The following C4orf50 variants were observed in gnomAD, a reference collection of about 807,000 sequenced individuals.
C4orf50 encodes the protein uncharacterized protein C4orf50.
Under a neutral mutation model 77.2 loss-of-function variants are expected in C4orf50, and 80 were observed. That is an observed-to-expected ratio of 1.04 (90% confidence interval 0.87 to 1.25). C4orf50 has a LOEUF of 1.25. Among genes scored for constraint, C4orf50 ranks in the 50% most tolerant of loss-of-function variants. The pLI is 0.00. For synonymous variants in C4orf50, 532 were observed against 465.3 expected (o/e 1.14, Z -1.84); for missense variants, 1,257 against 1,152.9 (o/e 1.09, Z -1.31).
chr4:6,016,330 C>G (rs978645550), intron 23 of C4orf50, among the ~76,000 whole-genome samples: 14 of 152,162 alleles, frequency 9.2e-5, no homozygotes, highest in Admixed American at 3.3e-4. Flanking sequence ...AGGCAGATCG[C>G]TTGAGGTCAG....
chr4:5,952,192 G>A (rs557761980), downstream of C4orf50, among the ~76,000 whole-genome samples: 1 of 152,164 alleles, frequency 6.6e-6, no homozygotes, highest in Non-Finnish European at 1.5e-5. This position sits in a 1 kb window ranked among gnomAD's most constrained non-coding sequence, Gnocchi z 4.4. Context: ...GCTGGATCCC[G>A]GGTGGAGGCG....
chr4:5,949,383 C>T (rs528072020), intron 7 of C4orf50, among the ~76,000 whole-genome samples: 119 of 152,290 alleles, frequency 7.8e-4, no homozygotes, highest in South Asian at 5.6e-3. Flanking sequence ...TGCCGGCCCA[C>T]GCTCCAACAC....
chr4:5,914,484 G>A (rs1355567776), intron 7 of C4orf50, among the ~76,000 whole-genome samples: 6 of 152,132 alleles, frequency 3.9e-5, no homozygotes, highest in Non-Finnish European at 7.3e-5. Context: ...GATTACAGGT[G>A]TGAGCCACCG....
At chr4:5,998,946 G>C (rs1028254287) in intron 25 of C4orf50, among the ~76,000 whole-genome samples, 1 of 152,136 alleles carries the variant, frequency 6.6e-6, no homozygotes, top group Non-Finnish European at 1.5e-5. Flanking sequence ...CCCACATCAG[G>C]GTTTGTCCTT....
chr4:5,935,739 T>C (rs1577906309), intron 7 of C4orf50, among the ~76,000 whole-genome samples: 1 of 140,336 alleles, frequency 7.1e-6, no homozygotes, highest in East Asian at 2.1e-4. Context: ...TGAGCCGAGA[T>C]TGCGCCATTG....
rs1722404810 is a variant in C4orf50 at position 6,009,620 on chromosome 4, A to T, written c.427-1088T>A. 6.6e-6 allele frequency among the ~76,000 whole-genome samples: 1 copy of T among 152,214 alleles called. No individual in the cohort carries two copies. The highest frequency in any genetic ancestry group is 1.5e-5 in the Non-Finnish European group (1 of 68,044). Reference sequence around the variant, plus strand: ...TGGTCTGCCTTTGACAGCTTTCAGAATGACCGCAGGTCACTACAGAAACGA... The same window carrying T: ...TGGTCTGCCTTTGACAGCTTTCAGATTGACCGCAGGTCACTACAGAAACGA... On this transcript the variant is annotated intron_variant, in intron 24 of 33. Transcript: ENST00000531445. The surrounding 1 kb of genome is among the most constrained non-coding windows in gnomAD (Gnocchi z 5.6).
At chr4:6,005,857 C>T (rs1722229702) in intron 25 of C4orf50, among the ~76,000 whole-genome samples, 1 of 152,118 alleles carries the variant, frequency 6.6e-6, no homozygotes, top group African/African-American at 2.4e-5. Flanking sequence ...GAAAGCCAAG[C>T]CCCATGAGAG....
intron 25 of C4orf50, among the ~76,000 whole-genome samples, chr4:6,004,071 G>A (rs1262317769): frequency 0.022 from 1,925 of 85,872 alleles, no homozygotes; most frequent in Non-Finnish European, 0.025. Context: ...TGATGGTGAT[G>A]GTGATGATGT....
At chr4:5,997,862 G>A (rs1721664515) in intron 25 of C4orf50, among the ~76,000 whole-genome samples, 1 of 152,174 alleles carries the variant, frequency 6.6e-6, no homozygotes, top group Non-Finnish European at 1.5e-5. Context: ...TCTGCAGTGT[G>A]GTTTTTATAG....
chr4:5,989,408 G>A (rs1481642508), exon 28 of C4orf50: 54 of 1,535,924 alleles, frequency 3.5e-5, no homozygotes, highest in Admixed American at 1.4e-4. Flanking sequence ...GTCTTTCCCG[G>A]CTTATCACCT....
Position 6,011,852 on chromosome 4 carries a change from A to C in C4orf50, c.404T>G (p.Leu135Arg), listed in dbSNP as rs1722507962. 1.0e-5 allele frequency: 4 copies of C among 398,946 alleles called. No homozygotes were observed. The highest frequency in any genetic ancestry group is 8.2e-5 in the African/African-American group (4 of 48,636). 24.7% of individuals were successfully genotyped at this position (398,946 alleles called of 1,614,324 possible). A position where few individuals can be genotyped will look rare whatever the true frequency, so the allele number is the denominator to read the frequency against. Reference sequence around the variant, plus strand: ...TACCTGGCTGGCCAGCTCCCCCTGCAGCGCCGCCAGCTTCTCCTGGGCCTG... The same window carrying C: ...TACCTGGCTGGCCAGCTCCCCCTGCCGCGCCGCCAGCTTCTCCTGGGCCTG... Residue 135 changes from leucine (L) to arginine (R), a missense_variant, in exon 24 of 34, where the codon CTG (leucine) becomes CGG (arginine). Transcript: ENST00000531445. This position sits in a 1 kb window ranked among gnomAD's most constrained non-coding sequence, Gnocchi z 4.2.
intron 25 of C4orf50, among the ~76,000 whole-genome samples, chr4:5,995,410 C>T (rs1721522581): frequency 6.6e-6 from 1 of 151,684 alleles, no homozygotes; most frequent in Admixed American, 6.6e-5. Context: ...CGCCCTGCTG[C>T]AGGTCAGGAT....
intron 7 of C4orf50, among the ~76,000 whole-genome samples, chr4:5,931,202 C>T (rs1717753920): frequency 6.6e-6 from 1 of 152,166 alleles, no homozygotes; most frequent in Non-Finnish European, 1.5e-5. Context: ...GACTCAAAGT[C>T]CAGGCTACTT....
intron 7 of C4orf50, among the ~76,000 whole-genome samples, chr4:5,921,363 A>G (rs1717260506): frequency 1.3e-5 from 2 of 152,288 alleles, no homozygotes; most frequent in South Asian, 4.1e-4. Flanking sequence ...CTGGGGGAGG[A>G]GCCTGAGGCC....
At chr4:5,961,541 T>C (rs1160684676) in intron 33 of C4orf50, among the ~76,000 whole-genome samples, 13 of 152,166 alleles carry the variant, frequency 8.5e-5, no homozygotes, top group African/African-American at 1.2e-4. Flanking sequence ...CATCCCATCA[T>C]ACAGATGAAG....
rs1577998145 is a variant in C4orf50 at position 6,008,582 on chromosome 4, A to G, written c.427-50T>C. On this transcript the variant is annotated intron_variant, in intron 24 of 33. Coordinates refer to ENST00000531445, the Ensembl canonical transcript of C4orf50. This position sits in a 1 kb window ranked among gnomAD's most constrained non-coding sequence, Gnocchi z 6.0. ...CGTCAGCAAGCCCAAAGGACACACCATGGTTCACATTGGTCCTGTCTTGAC... is the reference window on the plus strand; with the variant it reads ...CGTCAGCAAGCCCAAAGGACACACCGTGGTTCACATTGGTCCTGTCTTGAC... The G allele has an allele frequency of 5.0e-6, 2 of 396,850 alleles. No homozygotes were observed. The highest frequency in any genetic ancestry group is 4.1e-5 in the African/African-American group (2 of 48,632). 24.6% of individuals were successfully genotyped at this position (396,850 alleles called of 1,614,324 possible). A position where few individuals can be genotyped will look rare whatever the true frequency, so the allele number is the denominator to read the frequency against.
rs983607072 is a variant in C4orf50, at chr4:6,011,189, C to T, written c.426+641G>A. 1.3e-5 allele frequency among the ~76,000 whole-genome samples: 2 copies of T among 152,198 alleles called. No individual in the cohort carries two copies. Among genetic ancestry groups the T allele is most frequent in the African/African-American group, 4.8e-5 (2 of 41,436 alleles). On this transcript the variant is annotated intron_variant, in intron 24 of 33. Transcript: ENST00000531445. This position sits in a 1 kb window ranked among gnomAD's most constrained non-coding sequence, Gnocchi z 4.2. ...ACCATCTGACCCTGAGGCTTCCCTA[C>T]TTAAGTCCCCTAAAGCTTGTTCCCC...
At chr4:5,909,348 A>T (rs1716694249) in intron 7 of C4orf50, among the ~76,000 whole-genome samples, 1 of 152,144 alleles carries the variant, frequency 6.6e-6, no homozygotes, top group Non-Finnish European at 1.5e-5. Context: ...CCCATTTTAA[A>T]ATCAGATTGT....
intron 25 of C4orf50, among the ~76,000 whole-genome samples, chr4:5,997,914 G>A (rs1721667299): frequency 6.6e-6 from 1 of 152,216 alleles, no homozygotes; most frequent in South Asian, 2.1e-4. Context: ...AAAAAAGGGA[G>A]ATAGTTCCAG....
Sources: allele counts gnomAD v4.1 joint callset (sites outside exome capture counted in the v4.1 genomes callset), GRCh38; gene constraint gnomAD v4.1.1; non-coding constraint Gnocchi (gnomAD v3.1); transcripts MANE v1.5; gene names NCBI Gene and HGNC (gene_info 2026-07-23, HGNC 2026-07-21).